Variants in NEGR1 observed in about 807,000 individuals in gnomAD.
NEGR1 encodes IgLON family member 4.
Under a neutral mutation model 40.9 loss-of-function variants are expected in NEGR1, and 10 were observed. That is an observed-to-expected ratio of 0.24 (90% CI 0.15 to 0.42). The LOEUF is 0.42. Among genes scored for constraint, NEGR1 ranks in the 10% least tolerant of loss-of-function variants. The pLI, the probability that NEGR1 is intolerant of heterozygous loss-of-function variation, is 1.00. For synonymous variants in NEGR1, 185 were observed against 166.8 expected, an observed-to-expected ratio of 1.11 and a Z score of -0.84; for missense variants, 352 against 438.9, an observed-to-expected ratio of 0.80 and a Z score of 1.77.
intron 5 of NEGR1, among the ~76,000 whole-genome samples, chr1:71,605,943 TTAGA>T (rs1287532315): frequency 6.6e-6 from 1 of 152,156 alleles, no homozygotes; most frequent in African/African-American, 2.4e-5. Flanking sequence ...TAAAAAATAC[TTAGA>T]TAATGCATGA....
chr1:71,503,928 CTGAATGGGATAAT>C (rs1647015038), intron 6 of NEGR1, among the ~76,000 whole-genome samples: 1 of 151,020 alleles, frequency 6.6e-6, no homozygotes, highest in African/African-American at 2.4e-5. Flanking sequence ...AATATTGATC[CTGAATGGGATAAT>C]AGTGATCCCA....
At chr1:72,264,021 T>G (rs1014392419) in intron 1 of NEGR1, among the ~76,000 whole-genome samples, 1 of 151,386 alleles carries the variant, frequency 6.6e-6, no homozygotes, top group African/African-American at 2.4e-5. Context: ...CTCTGGAAAT[T>G]AGAGGTATCA....
intron 3 of NEGR1, among the ~76,000 whole-genome samples, chr1:71,750,036 GA>G: frequency 6.8e-6 from 1 of 147,336 alleles, no homozygotes; most frequent in Admixed American, 6.9e-5. Context: ...GCCCAGGCCG[GA>G]CTGCGGACTG....
intron 6 of NEGR1, among the ~76,000 whole-genome samples, chr1:71,519,931 T>C (rs1647143459): frequency 6.6e-6 from 1 of 151,956 alleles, no homozygotes; most frequent in Admixed American, 6.6e-5. Context: ...TTTAAAACTT[T>C]CTCATTATTC....
At position 71,546,002 on chromosome 1, in the gene NEGR1, C is replaced by A. The variant is rs58984645; in HGVS notation, c.940+46815G>T. On this transcript the variant is annotated intron_variant, in intron 6 of 6. Coordinates refer to ENST00000357731, the MANE Select transcript of NEGR1 (RefSeq NM_173808.3). ...ATTTCTATGGTTCAAATGGTTATAT[C>A]TGTGGAAATAAATCTGTGTCTGATA... Among the ~76,000 whole-genome samples the A allele has an allele frequency of 5.3e-4, 80 of 151,826 alleles. No individual in the cohort carries two copies. In the East Asian group the frequency reaches 0.013, roughly 24 times the overall value.
chr1:72,253,658 A>C (rs189392106), intron 1 of NEGR1, among the ~76,000 whole-genome samples: 1 of 152,228 alleles, frequency 6.6e-6, no homozygotes, highest in Non-Finnish European at 1.5e-5. Flanking sequence ...GGAATCTACA[A>C]GACATTTCCA....
intron 4 of NEGR1, among the ~76,000 whole-genome samples, chr1:71,674,586 GCACACACACACA>G (rs3220087): frequency 1.4e-5 from 2 of 146,906 alleles, no homozygotes; most frequent in East Asian, 4.1e-4. Context: ...TGCTGGGAGG[GCACACACACACA>G]CACACACACA....
At chr1:71,584,225 T>C (rs1649227281) in intron 6 of NEGR1, among the ~76,000 whole-genome samples, 1 of 152,204 alleles carries the variant, frequency 6.6e-6, no homozygotes, top group African/African-American at 2.4e-5. Flanking sequence ...AATGAGGACA[T>C]GCCATTTTCA....
intron 1 of NEGR1, chr1:72,274,889 T>C: frequency 1.3e-6 from 2 of 1,595,954 alleles, no homozygotes; most frequent in Non-Finnish European, 1.7e-6. Context: ...CAGATCATTA[T>C]TCCACAGAAC....
Position 71,739,951 on chromosome 1 carries a change from C to T in NEGR1, c.535+36221G>A, listed in dbSNP as rs558372571. ...TCATGTTCCCAAAACACTCCTTGTA[C>T]ATTACCACTTCATGACACTCCACTC... On this transcript the variant is annotated intron_variant, in intron 3 of 6. Transcript: ENST00000357731. Among the ~76,000 whole-genome samples, 9 of 152,310 alleles carry T rather than the reference C, an allele frequency of 5.9e-5. No homozygotes were observed. In the South Asian group the frequency reaches 1.9e-3, roughly 32 times the overall value.
At chr1:71,922,122 C>T (rs1645726142) in intron 2 of NEGR1, among the ~76,000 whole-genome samples, 1 of 152,144 alleles carries the variant, frequency 6.6e-6, no homozygotes, top group African/African-American at 2.4e-5. Flanking sequence ...CAGCTAGGCC[C>T]ATGACATGGG....
intron 2 of NEGR1, among the ~76,000 whole-genome samples, chr1:71,883,624 G>A (rs934859817): frequency 1.3e-5 from 2 of 151,820 alleles, no homozygotes; most frequent in Admixed American, 6.6e-5. Flanking sequence ...TGTGCACAAC[G>A]TGCAGGTTTG....
chr1:71,780,336 A>C (rs1436340720), intron 2 of NEGR1, among the ~76,000 whole-genome samples: 1 of 152,218 alleles, frequency 6.6e-6, no homozygotes, highest in East Asian at 1.9e-4. Context: ...AACTCATTTA[A>C]TATGCTGGAA....
At chr1:72,026,982 G>C (rs895563324) in intron 1 of NEGR1, among the ~76,000 whole-genome samples, 3 of 152,004 alleles carry the variant, frequency 2.0e-5, no homozygotes, top group African/African-American at 7.2e-5. Context: ...CTGGAGTGCA[G>C]TGGCGCGATC....
At chr1:71,769,660 T>C (rs1365459194) in intron 3 of NEGR1, among the ~76,000 whole-genome samples, 1 of 152,214 alleles carries the variant, frequency 6.6e-6, no homozygotes, top group Non-Finnish European at 1.5e-5. Context: ...CCTTCCACCA[T>C]GATTGTAAGT....
chr1:71,624,316 A>G (rs1197821275), intron 4 of NEGR1, among the ~76,000 whole-genome samples: 2 of 151,918 alleles, frequency 1.3e-5, no homozygotes, highest in Non-Finnish European at 2.9e-5. Flanking sequence ...TTCTTGCTTG[A>G]AATATTTCAG....
At chr1:71,538,332 G>T (rs1647578110) in intron 6 of NEGR1, among the ~76,000 whole-genome samples, 1 of 151,594 alleles carries the variant, frequency 6.6e-6, no homozygotes, top group Admixed American at 6.6e-5. Flanking sequence ...ATTTTGGAAG[G>T]TTACATTTGG....
intron 2 of NEGR1, among the ~76,000 whole-genome samples, chr1:71,860,773 T>C (rs1355605310): frequency 2.0e-5 from 3 of 152,062 alleles, no homozygotes; most frequent in South Asian, 2.1e-4. Flanking sequence ...TCCTCTCTTA[T>C]GTACAGATGA....
At chr1:71,563,974 C>A (rs1337171064) in intron 6 of NEGR1, among the ~76,000 whole-genome samples, 1 of 151,704 alleles carries the variant, frequency 6.6e-6, no homozygotes, top group African/African-American at 2.4e-5. Flanking sequence ...AAAAAAAGAC[C>A]AACCTTCCAC....
Sources: gnomAD v4.1 joint callset for allele counts (sites outside exome capture counted in the v4.1 genomes callset) on GRCh38, gnomAD v4.1.1 for gene constraint, MANE v1.5 for transcripts, NCBI Gene and HGNC (gene_info 2026-07-23, HGNC 2026-07-21) for gene names.